GRIK4: variants seen among roughly 807,000 people sequenced by gnomAD.
The protein encoded by GRIK4 is glutamate ionotropic receptor kainate type subunit 4, also known as glutamate receptor ionotropic, kainate 4.
GRIK4 carries 40 observed loss-of-function variants against 104.9 expected under a neutral mutation model. The observed-to-expected ratio is 0.38, with a 90% CI of 0.30 to 0.50. The LOEUF (loss-of-function observed/expected upper bound fraction) is 0.50. Among genes scored for constraint, GRIK4 ranks in the 20% least tolerant of loss-of-function variants. The pLI is 0.93. For missense variants in GRIK4, 1,047 were observed against 1,308.1 expected (o/e 0.80, Z 3.08); for synonymous variants, 485 against 524.9 (o/e 0.92, Z 1.04).
At chr11:120,738,118 A>G (rs962245722) in intron 3 of GRIK4, among the ~76,000 whole-genome samples, 1 of 152,254 alleles carries the variant, frequency 6.6e-6, no homozygotes, top group African/African-American at 2.4e-5. Context: ...GGAGGCAAGA[A>G]AACAAAGTGG....
intron 3 of GRIK4, among the ~76,000 whole-genome samples, chr11:120,727,055 C>G (rs1300199657): frequency 2.0e-5 from 3 of 152,128 alleles, no homozygotes; most frequent in Non-Finnish European, 4.4e-5. Flanking sequence ...GACCTGAGAA[C>G]AGGAGAACCA....
chr11:120,890,315 G>GA (rs1011447937), intron 11 of GRIK4, among the ~76,000 whole-genome samples: 14 of 151,886 alleles, frequency 9.2e-5, no homozygotes, highest in African/African-American at 2.7e-4. Flanking sequence ...GGGAGAGGAG[G>GA]AAAAAAAATG....
chr11:120,598,304 CTG>C (rs1340630310), intron 1 of GRIK4, among the ~76,000 whole-genome samples: 2 of 152,160 alleles, frequency 1.3e-5, no homozygotes, highest in Non-Finnish European at 2.9e-5. Context: ...GATGAGGAAA[CTG>C]AGGCTCACAG....
intron 1 of GRIK4, among the ~76,000 whole-genome samples, chr11:120,608,449 ACT>A (rs1344888726): frequency 6.6e-6 from 1 of 152,156 alleles, no homozygotes; most frequent in South Asian, 2.1e-4. Flanking sequence ...CACTGGCCAC[ACT>A]CTGTGTGTGT....
chr11:120,624,967 C>T (rs978524238), intron 1 of GRIK4, among the ~76,000 whole-genome samples: 4 of 152,172 alleles, frequency 2.6e-5, no homozygotes, highest in African/African-American at 9.7e-5. Context: ...AATCATGCGC[C>T]TCATTTTAAA....
chr11:120,865,667 C>T (rs1954388234), intron 9 of GRIK4, among the ~76,000 whole-genome samples: 1 of 152,112 alleles, frequency 6.6e-6, no homozygotes, highest in Admixed American at 6.5e-5. Context: ...CACACAAACT[C>T]AGTGTTAGGG....
chr11:120,936,191 CT>C, intron 13 of GRIK4: 2 of 329,878 alleles, frequency 6.1e-6, no homozygotes, highest in Admixed American at 3.7e-5. Context: ...CAGCAATATC[CT>C]TTGGCATTTT....
intron 3 of GRIK4, among the ~76,000 whole-genome samples, chr11:120,747,200 A>G (rs559988911): frequency 3.3e-5 from 5 of 152,212 alleles, no homozygotes; most frequent in Non-Finnish European, 5.9e-5. Flanking sequence ...TGAGTATAGT[A>G]TGATCATCAG....
chr11:120,660,661 G>A (rs1296240998), intron 3 of GRIK4, among the ~76,000 whole-genome samples: 1 of 152,228 alleles, frequency 6.6e-6, no homozygotes, highest in Non-Finnish European at 1.5e-5. Flanking sequence ...TGTAGGTTCA[G>A]CCTAGCAGGT....
chr11:120,773,632 G>A (rs539913924), intron 3 of GRIK4, among the ~76,000 whole-genome samples: 75 of 152,284 alleles, frequency 4.9e-4, no homozygotes, highest in African/African-American at 1.7e-3. Context: ...AACTGTGTTA[G>A]GCGAGAGTTA....
At chr11:120,747,506 A>T (rs116615560) in intron 3 of GRIK4, among the ~76,000 whole-genome samples, 1 of 152,328 alleles carries the variant, frequency 6.6e-6, no homozygotes, top group African/African-American at 2.4e-5. Flanking sequence ...GGATTACCCT[A>T]GATGTAAAGT....
chr11:120,514,834 C>T (rs980463631), intron 1 of GRIK4: 3 of 383,146 alleles, frequency 7.8e-6, no homozygotes, highest in African/African-American at 2.1e-5. Flanking sequence ...CTGGGCACTT[C>T]GAGTGTCCAC....
At chr11:120,537,972 G>T (rs1261005941) in intron 1 of GRIK4, among the ~76,000 whole-genome samples, 1 of 152,212 alleles carries the variant, frequency 6.6e-6, no homozygotes, top group East Asian at 1.9e-4. Context: ...CACATGGCAA[G>T]TCCGTGATGT....
intron 3 of GRIK4, among the ~76,000 whole-genome samples, chr11:120,764,838 T>C (rs1167560185): frequency 6.6e-6 from 1 of 152,226 alleles, no homozygotes; most frequent in Non-Finnish European, 1.5e-5. Context: ...GTTAGTCTGA[T>C]GGGCTTCCCT....
rs376311158 is a variant in GRIK4 at position 120,617,896 on chromosome 11, G to A, written c.-158-35789G>A. Among the ~76,000 whole-genome samples the A allele has an allele frequency of 5.9e-5, 9 of 152,230 alleles. No individual in the cohort carries two copies. In the Middle Eastern group the frequency reaches 0.01, roughly 173 times the overall value. On this transcript the variant is annotated intron_variant, in intron 1 of 20. Coordinates refer to ENST00000527524, the MANE Select transcript of GRIK4 (RefSeq NM_014619.5). ...GTCTCAAATATTTCTTTATAGCAACGTGAGAATGGAATAATAATGAAAATT... is the reference window on the plus strand; with the variant it reads ...GTCTCAAATATTTCTTTATAGCAACATGAGAATGGAATAATAATGAAAATT...
chr11:120,570,913 C>G (rs1431134697), intron 1 of GRIK4, among the ~76,000 whole-genome samples: 1 of 152,184 alleles, frequency 6.6e-6, no homozygotes, highest in Non-Finnish European at 1.5e-5. Flanking sequence ...ACAGTTGTTT[C>G]CTTACCTCTC....
intron 3 of GRIK4, among the ~76,000 whole-genome samples, chr11:120,703,931 T>C (rs1950591209): frequency 6.6e-6 from 1 of 152,176 alleles, no homozygotes; most frequent in Admixed American, 6.5e-5. Flanking sequence ...GCTTACAAAA[T>C]TGTGGGACCT....
intron 13 of GRIK4, among the ~76,000 whole-genome samples, chr11:120,909,479 T>C (rs1204736861): frequency 6.6e-6 from 1 of 152,178 alleles, no homozygotes; most frequent in Non-Finnish European, 1.5e-5. Context: ...TGCCCAGACA[T>C]TGGCCATCTT....
chr11:120,527,088 G>A (rs7104208), intron 1 of GRIK4, among the ~76,000 whole-genome samples: 6,324 of 152,332 alleles, frequency 0.042, 437 homozygotes, highest in African/African-American at 0.14. Context: ...CAGCCAGCCC[G>A]TGGCAGAGGG....
Sources: allele counts gnomAD v4.1 joint callset (sites outside exome capture counted in the v4.1 genomes callset), GRCh38; gene constraint gnomAD v4.1.1; transcripts MANE v1.5; gene names NCBI Gene and HGNC (gene_info 2026-07-23, HGNC 2026-07-21).